CCDC81: variants seen among roughly 807,000 people sequenced by gnomAD.
CCDC81 encodes coiled-coil domain containing 81, also known as coiled-coil domain-containing protein 81.
A neutral mutation model predicts 83.7 loss-of-function variants in CCDC81; 79 were observed. The ratio of observed to expected loss-of-function variants is 0.94; its 90% CI spans 0.79 to 1.14. CCDC81 has a LOEUF of 1.14. CCDC81 is among the 50% of genes most tolerant of loss of function. The pLI is 0.00. For synonymous variants in CCDC81, 252 were observed against 278.1 expected, an observed-to-expected ratio of 0.91 and a Z score of 0.93; for missense variants, 791 against 778.1, an observed-to-expected ratio of 1.02 and a Z score of -0.20.
chr11:86,379,977 C>A (rs1948154756), intron 1 of CCDC81, among the ~76,000 whole-genome samples: 3 of 151,746 alleles, frequency 2.0e-5, no homozygotes, highest in South Asian at 2.1e-4. Flanking sequence ...CAAAATGAGA[C>A]CCTGTCTCAA....
At chr11:86,407,472 T>C (rs1948578678) in intron 7 of CCDC81, 142 bp from the exon 8 acceptor site, 8 of 571,220 alleles carry the variant, frequency 1.4e-5, no homozygotes, top group Middle Eastern at 8.0e-4. Context: ...CTGTGGTACA[T>C]ATTCTTAACC....
At chr11:86,375,283 A>G (rs775682231) in intron 1 of CCDC81, 41 bp downstream of exon 1, 6 of 1,542,482 alleles carry the variant, frequency 3.9e-6, no homozygotes, top group Non-Finnish European at 5.3e-6. Context: ...TGGGGATTGA[A>G]TCTTCATCTG....
At chr11:86,416,706 C>T (rs1948724512) in intron 13 of CCDC81, among the ~76,000 whole-genome samples, 1 of 152,112 alleles carries the variant, frequency 6.6e-6, no homozygotes, top group South Asian at 2.1e-4. Context: ...TTTCTATTTA[C>T]ATATTCTTTA....
Position 86,388,457 on chromosome 11 carries a change from C to A in CCDC81, c.298+785C>A, listed in dbSNP as rs559553336. Among the ~76,000 whole-genome samples, 4 of 152,282 alleles carry A rather than the reference C, an allele frequency of 2.6e-5. No individual in the cohort carries two copies. The East Asian group carries it at 7.7e-4, about 29-fold the overall frequency. ...CGACCTTCCTGATTGTCCCCGCCCC[C>A]AGCATCAGACTCACTCCTGGATAAA... On this transcript the variant is annotated intron_variant, in intron 3 of 14. Transcript: ENST00000445632.
intron 7 of CCDC81, among the ~76,000 whole-genome samples, chr11:86,405,713 T>A (rs1465791396): frequency 6.6e-6 from 1 of 152,184 alleles, no homozygotes; most frequent in Non-Finnish European, 1.5e-5. Context: ...TATTATTTTA[T>A]GGTCAATGAT....
In CCDC81 at chr11:86,422,807, G is replaced by T. The variant is rs1948813722; in HGVS notation, c.*92G>T. On this transcript the variant is annotated 3_prime_UTR_variant, in exon 15 of 15. Coordinates refer to ENST00000445632, the MANE Select transcript of CCDC81 (RefSeq NM_001156474.2). ...TGAAACTGCGTATTTTTACCTCAGA[G>T]AAAAAAATCATTGTTTAGGTTTGGT... 3 of 1,280,460 alleles carry T rather than the reference G, an allele frequency of 2.3e-6. No individual in the cohort carries two copies. Among genetic ancestry groups the T allele is most frequent in the Non-Finnish European group, 3.2e-6 (3 of 924,036 alleles). The allele number at this position is 1,280,460 out of a possible 1,614,324, so 79.3% of individuals were successfully genotyped here.
chr11:86,415,417 A>G, intron 13 of CCDC81, 104 bp downstream of exon 13: 1 of 845,144 alleles, frequency 1.2e-6, no homozygotes. Flanking sequence ...TTCTCATACA[A>G]TAGTGGAGAA....
intron 14 of CCDC81, among the ~76,000 whole-genome samples, chr11:86,421,896 G>C (rs566031585): frequency 6.7e-6 from 1 of 148,498 alleles, no homozygotes; most frequent in Non-Finnish European, 1.5e-5. Flanking sequence ...TGGTGACAGA[G>C]GGAGACCTAG....
chr11:86,404,953 T>G (rs995749791), intron 7 of CCDC81, among the ~76,000 whole-genome samples: 1 of 152,226 alleles, frequency 6.6e-6, no homozygotes, highest in African/African-American at 2.4e-5. Flanking sequence ...CTGAACCTTC[T>G]TTTCTAGCTT....
In CCDC81 at chr11:86,375,077, G is replaced by A. The variant is rs947908930; in HGVS notation, c.-87G>A. 1.8e-5 allele frequency: 21 copies of A among 1,174,434 alleles called. No individual in the cohort carries two copies. In the Admixed American group the frequency reaches 2.9e-4, roughly 16 times the overall value. 72.8% of individuals were successfully genotyped at this position (1,174,434 alleles called of 1,614,324 possible). ...AAAGCTCCGTGGAGAAGGGGCTGGA[G>A]GGTGGGAAAATTATTTTTGTGCACA... On this transcript the variant is annotated 5_prime_UTR_variant, in exon 1 of 15. Coordinates refer to ENST00000445632, the MANE Select transcript of CCDC81 (RefSeq NM_001156474.2).
In CCDC81 at chr11:86,392,658, C is replaced by T; in HGVS notation, c.416C>T (p.Ser139Phe). 1.9e-6 allele frequency: 3 copies of T among 1,551,646 alleles called. No individual in the cohort carries two copies. Among genetic ancestry groups the T allele is most frequent in the Non-Finnish European group, 2.6e-6 (3 of 1,146,964 alleles). ...ETLLFLSRSISMKQNVEFTFK... is the reference protein window; with the variant it reads ...ETLLFLSRSIFMKQNVEFTFK... ...TTGCTTTTTTTATCGCGTTCCATTTCCATGAAACAAAATGTGGAGTTTACA... is the reference window on the plus strand; with the variant it reads ...TTGCTTTTTTTATCGCGTTCCATTTTCATGAAACAAAATGTGGAGTTTACA... Residue 139 changes from serine (S) to phenylalanine (F), a missense_variant, in exon 4 of 15, where the codon TCC becomes TTC. By Grantham distance (155) the Ser-to-Phe change is radical. Coordinates refer to ENST00000445632, the MANE Select transcript of CCDC81 (RefSeq NM_001156474.2).
intron 10 of CCDC81, among the ~76,000 whole-genome samples, chr11:86,411,935 G>A (rs1408108179): frequency 6.6e-6 from 1 of 152,166 alleles, no homozygotes. Context: ...TTCAGACAAT[G>A]AGCCAGGCCC....
At position 86,375,043 on chromosome 11, in the gene CCDC81, G is replaced by T; in HGVS notation, c.-121G>T. The T allele has an allele frequency of 1.2e-6, 1 of 844,064 alleles. No homozygotes were observed. 52.3% of individuals were successfully genotyped at this position (844,064 alleles called of 1,614,324 possible). Reference sequence around the variant, plus strand: ...AGATTTTCGTCACTCTTATTTTTAAGGCACATCCAAAGCTCCGTGGAGAAG... The same window carrying T: ...AGATTTTCGTCACTCTTATTTTTAATGCACATCCAAAGCTCCGTGGAGAAG... On this transcript the variant is annotated 5_prime_UTR_variant, in exon 1 of 15. The change creates a new upstream start codon in the 5' untranslated region. Coordinates refer to ENST00000445632, the MANE Select transcript of CCDC81 (RefSeq NM_001156474.2).
At chr11:86,392,436 T>C in intron 3 of CCDC81, 105 bp from the exon 4 acceptor site, 2 of 1,309,204 alleles carry the variant, frequency 1.5e-6, no homozygotes, top group Non-Finnish European at 2.1e-6. Context: ...GAAGATTCTA[T>C]TTTAGGGCAT....
intron 6 of CCDC81, among the ~76,000 whole-genome samples, chr11:86,398,032 T>TATAG (rs917025838): frequency 6.6e-6 from 1 of 152,042 alleles, no homozygotes; most frequent in African/African-American, 2.4e-5. Context: ...TTATCTTTTG[T>TATAG]ATAGATGGGC....
intron 7 of CCDC81, among the ~76,000 whole-genome samples, chr11:86,402,271 T>G (rs78902964): frequency 1.3e-5 from 2 of 151,746 alleles, no homozygotes; most frequent in Non-Finnish European, 2.9e-5. Flanking sequence ...TCCCTCTACA[T>G]AGAGGAAACT....
At chr11:86,395,903 G>A (rs1391517565) in intron 5 of CCDC81, among the ~76,000 whole-genome samples, 2 of 152,164 alleles carry the variant, frequency 1.3e-5, no homozygotes, top group African/African-American at 4.8e-5. Context: ...AATTACAGGC[G>A]TGAGCCACCA....
intron 11 of CCDC81, 131 bp downstream of exon 11, chr11:86,412,690 T>C (rs758372614): frequency 1.3e-6 from 1 of 783,964 alleles, no homozygotes; most frequent in Non-Finnish European, 2.0e-6. Context: ...CTAACCCAGT[T>C]AGCAGCCAGT....
rs536873737 is a variant in CCDC81 at position 86,409,614 on chromosome 11, G to A, written c.1218+249G>A. 3.1e-3 allele frequency among the ~76,000 whole-genome samples: 467 copies of A among 152,136 alleles called. 3 individuals are homozygous for A. The highest frequency in any genetic ancestry group is 0.011 in the African/African-American group (453 of 41,512). ...TTACAGGCACCCGCCACCATGCCCC[G>A]CTATTTTTGTATTTTTAGTAGAGAC... is the stretch of plus-strand genomic sequence containing the variant. On this transcript the variant is annotated intron_variant, in intron 10 of 14. Coordinates refer to ENST00000445632, the MANE Select transcript of CCDC81 (RefSeq NM_001156474.2).
Sources: gnomAD v4.1 joint callset for allele counts (sites outside exome capture counted in the v4.1 genomes callset) on GRCh38, gnomAD v4.1.1 for gene constraint, MANE v1.5 for transcripts, NCBI Gene and HGNC (gene_info 2026-07-23, HGNC 2026-07-21) for gene names.